The following MAP3K13 variants were observed in gnomAD, a reference collection of about 807,000 sequenced individuals.
MAP3K13 encodes leucine zipper-bearing kinase.
A neutral mutation model predicts 104.0 loss-of-function variants in MAP3K13; 52 were observed. The ratio of observed to expected loss-of-function variants is 0.50; its 90% confidence interval spans 0.40 to 0.63. MAP3K13 has a LOEUF of 0.63. MAP3K13 is among the 20% of genes least tolerant of loss of function. The pLI, the probability that MAP3K13 is intolerant of heterozygous loss-of-function variation, is 0.00. For missense variants in MAP3K13, 914 were observed against 1,218.5 expected (o/e 0.75, Z 3.72); for synonymous variants, 394 against 442.2 (o/e 0.89, Z 1.37).
intron 2 of MAP3K13, among the ~76,000 whole-genome samples, chr3:185,319,219 A>C (rs1214341180): frequency 2.0e-5 from 3 of 152,186 alleles, no homozygotes; most frequent in African/African-American, 7.2e-5. Flanking sequence ...GTAGCATTGT[A>C]GGAGTATTAC....
chr3:185,373,897 G>A (rs62290178), intron 1 of MAP3K13, among the ~76,000 whole-genome samples: 35,986 of 146,918 alleles, frequency 0.24, 4,440 homozygotes, highest in Admixed American at 0.3. Flanking sequence ...GGCTGAGTCC[G>A]CAAAAGGAGT....
chr3:185,485,580 T>C lies in MAP3K13; in HGVS notation c.*3124T>C, dbSNP rs1237623646. On this transcript the variant is annotated 3_prime_UTR_variant, in exon 14 of 14. Coordinates refer to ENST00000265026, the MANE Select transcript of MAP3K13 (RefSeq NM_004721.5). ...ATTAGTCACTTAGTAGCAGTCTCGG[T>C]GATCAGATCGACTGTCTCGGTTATC... The C allele has an allele frequency of 6.6e-6, 1 of 152,188 alleles. No homozygotes were observed. Among genetic ancestry groups the C allele is most frequent in the Non-Finnish European group, 1.5e-5 (1 of 68,030 alleles). The allele number at this position is 152,188 out of a possible 1,614,324, so 9.4% of individuals were successfully genotyped here.
At chr3:185,465,619 G>T in intron 8 of MAP3K13, 128 bp from the exon 9 acceptor site, 1 of 687,940 alleles carries the variant, frequency 1.5e-6, no homozygotes, top group Non-Finnish European at 2.7e-6. Flanking sequence ...ACTGGACAAG[G>T]GAGGCTTAAA....
rs1221548973 is a variant in MAP3K13, at chr3:185,482,572, T to A, written c.*116T>A. On this transcript the variant is annotated 3_prime_UTR_variant, in exon 14 of 14. Transcript: ENST00000265026. This position sits in a 1 kb window ranked among gnomAD's most constrained non-coding sequence, Gnocchi z 4.5. ...TTGTCTGGGAAGAGAGACTACCCCA[T>A]CTTTACCACCCCCTAGAAATGAGCT... 2.8e-6 allele frequency: 2 copies of A among 706,358 alleles called. No individual in the cohort carries two copies. The highest frequency in any genetic ancestry group is 1.8e-5 in the African/African-American group (1 of 57,062). The allele number at this position is 706,358 out of a possible 1,614,324, so 43.8% of individuals were successfully genotyped here. A position where few individuals can be genotyped will look rare whatever the true frequency, so the allele number is the denominator to read the frequency against.
intron 1 of MAP3K13, among the ~76,000 whole-genome samples, chr3:185,414,532 TAAGAA>T (rs1713634648): frequency 2.6e-5 from 4 of 152,346 alleles, no homozygotes; most frequent in Admixed American, 2.6e-4. Context: ...CTACCATTCT[TAAGAA>T]AGGCCTGAAA....
intron 1 of MAP3K13, among the ~76,000 whole-genome samples, chr3:185,372,420 A>G (rs1263233680): frequency 5.3e-5 from 8 of 152,206 alleles, no homozygotes; most frequent in African/African-American, 1.4e-4. Flanking sequence ...CTATGCCCCA[A>G]TCTAGTCTTT....
chr3:185,455,286 GAT>G (rs796726510), intron 7 of MAP3K13, among the ~76,000 whole-genome samples: 652 of 10,536 alleles, frequency 0.062, 93 homozygotes, highest in Non-Finnish European at 0.12. Flanking sequence ...AGATATATGA[GAT>G]ATATATATGA....
chr3:185,456,284 ATTGT>A (rs1716739811), intron 7 of MAP3K13, among the ~76,000 whole-genome samples: 1 of 152,038 alleles, frequency 6.6e-6, no homozygotes, highest in South Asian at 2.1e-4. Context: ...GCTTGCCCCT[ATTGT>A]TTGTTACTAT....
intron 2 of MAP3K13, among the ~76,000 whole-genome samples, chr3:185,339,368 A>G (rs909895540): frequency 1.2e-4 from 19 of 152,066 alleles, no homozygotes; most frequent in South Asian, 4.1e-4. Flanking sequence ...GAAATGAAAT[A>G]AAATGCTATC....
At chr3:185,343,647 T>G (rs2108723458) in intron 2 of MAP3K13, among the ~76,000 whole-genome samples, 1 of 152,254 alleles carries the variant, frequency 6.6e-6, no homozygotes, top group Middle Eastern at 3.4e-3. Flanking sequence ...GAGATGGGGT[T>G]TCACCGTGTT....
At chr3:185,438,282 T>G (rs565247313) in intron 3 of MAP3K13, among the ~76,000 whole-genome samples, 7 of 145,226 alleles carry the variant, frequency 4.8e-5, no homozygotes, top group African/African-American at 1.0e-4. Flanking sequence ...GGTGACAGAG[T>G]GAGACCCTGA....
upstream of MAP3K13, among the ~76,000 whole-genome samples, chr3:185,359,529 T>C (rs1203660783): frequency 6.6e-6 from 1 of 152,216 alleles, no homozygotes; most frequent in African/African-American, 2.4e-5. Flanking sequence ...AGGGTCTCAA[T>C]AACAAAATAA....
chr3:185,454,585 GAT>G (rs1716202142), intron 7 of MAP3K13, among the ~76,000 whole-genome samples: 1 of 98,056 alleles, frequency 1.0e-5, no homozygotes, highest in Admixed American at 1.5e-4. Context: ...ATATATATAT[GAT>G]ATATAGATAT....
chr3:185,442,696 G>A (rs1017304546), intron 3 of MAP3K13, among the ~76,000 whole-genome samples: 2 of 151,820 alleles, frequency 1.3e-5, no homozygotes, highest in East Asian at 1.9e-4. Flanking sequence ...ACTATGCCCA[G>A]CTAATTTTTG....
chr3:185,443,415 T>C (rs758810422), intron 3 of MAP3K13, 30 bp from the exon 4 acceptor site: 1 of 1,512,404 alleles, frequency 6.6e-7, no homozygotes, highest in Non-Finnish European at 9.1e-7. Context: ...TATGTGTGTA[T>C]TGATGTACAT....
intron 2 of MAP3K13, among the ~76,000 whole-genome samples, chr3:185,332,700 T>C (rs1722330107): frequency 6.6e-6 from 1 of 152,240 alleles, no homozygotes; most frequent in Admixed American, 6.5e-5. Flanking sequence ...GGCTTATCCG[T>C]GATGTAGTAT....
intron 7 of MAP3K13, among the ~76,000 whole-genome samples, chr3:185,455,083 GATAT>G (rs1189923624): frequency 3.2e-5 from 3 of 93,822 alleles, no homozygotes; most frequent in African/African-American, 8.1e-5. Flanking sequence ...ATATATGTGA[GATAT>G]ATATATGAGA....
At chr3:185,374,520 G>A (rs1259404865) in intron 1 of MAP3K13, among the ~76,000 whole-genome samples, 6 of 152,088 alleles carry the variant, frequency 3.9e-5, no homozygotes, top group Non-Finnish European at 7.4e-5. Flanking sequence ...GAAACTAAAC[G>A]GAAGATACGA....
chr3:185,364,352 G>C (rs186653894), intron 1 of MAP3K13, among the ~76,000 whole-genome samples: 1 of 152,288 alleles, frequency 6.6e-6, no homozygotes, highest in Admixed American at 6.5e-5. Context: ...CCCTGGGGCA[G>C]CTCCTCAACC....
Sources: gnomAD v4.1 joint callset for allele counts (sites outside exome capture counted in the v4.1 genomes callset) on GRCh38, gnomAD v4.1.1 for gene constraint, Gnocchi (gnomAD v3.1) non-coding constraint, MANE v1.5 for transcripts, NCBI Gene and HGNC (gene_info 2026-07-23, HGNC 2026-07-21) for gene names.